CFAP61: variants seen among roughly 807,000 people sequenced by gnomAD.
CFAP61 encodes cilia- and flagella-associated protein 61.
A neutral mutation model predicts 135.6 loss-of-function variants in CFAP61; 107 were observed. The observed-to-expected ratio is 0.79, with a 90% CI of 0.67 to 0.93. CFAP61 has a LOEUF of 0.93. Among genes scored for constraint, CFAP61 ranks in the 40% least tolerant of loss-of-function variants. The pLI is 0.00. For synonymous variants in CFAP61, 575 were observed against 578.5 expected (o/e 0.99, Z 0.09); for missense variants, 1,507 against 1,556.2 (o/e 0.97, Z 0.53).
chr20:20,116,546 A>G (rs938748177), intron 8 of CFAP61, among the ~76,000 whole-genome samples: 11 of 152,274 alleles, frequency 7.2e-5, no homozygotes, highest in Non-Finnish European at 1.5e-4. Context: ...GTTTTCTTCT[A>G]GTAGTTTCAT....
At chr20:20,082,291 C>A (rs756522161) in intron 6 of CFAP61, among the ~76,000 whole-genome samples, 3 of 152,232 alleles carry the variant, frequency 2.0e-5, no homozygotes, top group Non-Finnish European at 2.9e-5. Context: ...ATCCTTCAGC[C>A]ATTTGGCTAG....
At chr20:20,146,090 G>A (rs117313689) in intron 9 of CFAP61, among the ~76,000 whole-genome samples, 1,763 of 152,302 alleles carry the variant, frequency 0.012, 23 homozygotes, top group Non-Finnish European at 0.017. Context: ...GATCTTGTGG[G>A]CTGCAGCCCT....
chr20:20,148,105 G>A (rs1286468902), intron 9 of CFAP61, among the ~76,000 whole-genome samples: 2 of 152,084 alleles, frequency 1.3e-5, no homozygotes, highest in Non-Finnish European at 2.9e-5. Context: ...TGTTCTGTTG[G>A]TCTACATGCC....
intron 25 of CFAP61, among the ~76,000 whole-genome samples, chr20:20,321,925 T>G (rs987119021): frequency 2.6e-5 from 4 of 152,152 alleles, no homozygotes; most frequent in African/African-American, 4.8e-5. Flanking sequence ...AGGACTGGCT[T>G]ATAGAAGGCC....
intron 13 of CFAP61, chr20:20,171,994 C>T (rs1234107417): frequency 2.4e-6 from 1 of 414,642 alleles, no homozygotes; most frequent in African/African-American, 2.1e-5. Flanking sequence ...TGAATCACCT[C>T]TGTTCATATT....
intron 19 of CFAP61, among the ~76,000 whole-genome samples, chr20:20,249,166 T>C (rs1196770749): frequency 6.6e-6 from 1 of 152,224 alleles, no homozygotes; most frequent in Non-Finnish European, 1.5e-5. Context: ...GTCTTCGATA[T>C]ATAGTTTCAC....
rs1236622716 is a variant in CFAP61 at position 20,159,367 on chromosome 20, C to T, written c.952-3C>T. On this transcript the variant is annotated splice_polypyrimidine_tract_variant and splice_region_variant and intron_variant, in intron 9 of 26. Transcript: ENST00000245957. ...TTTCATGTTTTGCTGTCATCATTTC[C>T]AGGGAAATATTGCCAGAGAAGCTGC... is the stretch of plus-strand genomic sequence containing the variant. The T allele has an allele frequency of 1.6e-5, 26 of 1,613,636 alleles. No individual in the cohort carries two copies. The highest frequency in any genetic ancestry group is 2.1e-5 in the Non-Finnish European group (25 of 1,179,690).
chr20:20,058,509 C>T (rs1031082874), intron 2 of CFAP61, among the ~76,000 whole-genome samples: 1 of 152,180 alleles, frequency 6.6e-6, no homozygotes, highest in Non-Finnish European at 1.5e-5. Flanking sequence ...TAACTACTCC[C>T]TCCACCTAAG....
chr20:20,171,735 T>C, intron 13 of CFAP61: 1 of 667,642 alleles, frequency 1.5e-6, no homozygotes, highest in East Asian at 2.9e-5. Context: ...GCTAACTGTG[T>C]TTCAATATAA....
At chr20:20,195,527 G>A (rs2056222409) in intron 15 of CFAP61, among the ~76,000 whole-genome samples, 1 of 152,218 alleles carries the variant, frequency 6.6e-6, no homozygotes, top group South Asian at 2.1e-4. Context: ...GGACAGGCTG[G>A]CCCAGGGCAC....
intron 24 of CFAP61, 128 bp from the exon 25 acceptor site, chr20:20,298,053 C>G (rs1310133071): frequency 4.6e-6 from 3 of 655,062 alleles, no homozygotes; most frequent in African/African-American, 3.6e-5. Context: ...ATATCTATTA[C>G]TGTTATTTGC....
intron 9 of CFAP61, among the ~76,000 whole-genome samples, chr20:20,144,893 G>T (rs2146757661): frequency 6.6e-6 from 1 of 152,086 alleles, no homozygotes; most frequent in East Asian, 1.9e-4. Context: ...AGAAATAGAA[G>T]AAAATAAACT....
intron 25 of CFAP61, among the ~76,000 whole-genome samples, chr20:20,307,483 T>C (rs1197580693): frequency 1.3e-5 from 2 of 152,230 alleles, no homozygotes; most frequent in African/African-American, 4.8e-5. Context: ...GTGTTCCTGT[T>C]CGCTACACAT....
At chr20:20,352,422 T>A (rs1928368) in intron 26 of CFAP61, among the ~76,000 whole-genome samples, 1 of 152,132 alleles carries the variant, frequency 6.6e-6, no homozygotes, top group South Asian at 2.1e-4. Context: ...GATTACAAAT[T>A]GAAATGAAAT....
chr20:20,290,276 T>C (rs1364694832), intron 23 of CFAP61, 24 bp from the exon 24 acceptor site: 7 of 1,462,492 alleles, frequency 4.8e-6, no homozygotes, highest in Non-Finnish European at 6.7e-6. Flanking sequence ...TAATTTTAAA[T>C]GGAAAACTTG....
chr20:20,180,452 C>G (rs2054980153), intron 13 of CFAP61, among the ~76,000 whole-genome samples: 1 of 151,902 alleles, frequency 6.6e-6, no homozygotes, highest in Non-Finnish European at 1.5e-5. Flanking sequence ...AAATGCAGAT[C>G]AAAACCACCA....
chr20:20,329,136 CT>C (rs2057881541), intron 25 of CFAP61, among the ~76,000 whole-genome samples: 2 of 152,274 alleles, frequency 1.3e-5, no homozygotes, highest in South Asian at 2.1e-4. Context: ...CACTGCCCCC[CT>C]GATCCCACCA....
chr20:20,253,781 C>T, intron 20 of CFAP61: 2 of 232,008 alleles, frequency 8.6e-6, no homozygotes, highest in Non-Finnish European at 1.8e-5. Flanking sequence ...CTTCAATGAA[C>T]ACGAAGATTT....
chr20:20,158,071 T>C (rs1394766678), intron 9 of CFAP61, among the ~76,000 whole-genome samples: 1 of 146,630 alleles, frequency 6.8e-6, no homozygotes, highest in Non-Finnish European at 1.5e-5. Flanking sequence ...AAGGGGAATA[T>C]CACACTCTGG....
Sources: allele counts gnomAD v4.1 joint callset (sites outside exome capture counted in the v4.1 genomes callset), GRCh38; gene constraint gnomAD v4.1.1; transcripts MANE v1.5; gene names NCBI Gene and HGNC (gene_info 2026-07-23, HGNC 2026-07-21).